TUSC3: variants seen among roughly 807,000 people sequenced by gnomAD.
TUSC3 encodes the protein tumor suppressor candidate 3.
A neutral mutation model predicts 44.8 loss-of-function variants in TUSC3; 45 were observed. The ratio of observed to expected loss-of-function variants is 1.00; its 90% CI spans 0.79 to 1.29. The LOEUF is 1.29. Ranked by LOEUF, TUSC3 falls within the 50% of genes most tolerant of loss-of-function variation. The pLI is 0.00. For missense variants in TUSC3, 519 were observed against 437.9 expected, an observed-to-expected ratio of 1.19 and a Z score of -1.65; for synonymous variants, 212 against 152.9, an observed-to-expected ratio of 1.39 and a Z score of -2.85.
In TUSC3 at chr8:15,737,335, C is replaced by T. The variant is rs373681138; in HGVS notation, c.863-6203C>T. On this transcript the variant is annotated intron_variant, in intron 7 of 10. Coordinates refer to ENST00000503731, the MANE Select transcript of TUSC3 (RefSeq NM_006765.4). ...TTCCATTCCTAGTAGCAACAGTAAACTTAGCATATGCAATTGAGAAGGGAT... is the reference window on the plus strand; with the variant it reads ...TTCCATTCCTAGTAGCAACAGTAAATTTAGCATATGCAATTGAGAAGGGAT... 1.7e-4 allele frequency among the ~76,000 whole-genome samples: 26 copies of T among 152,160 alleles called. No homozygotes were observed. In the East Asian group the frequency reaches 3.9e-3, roughly 23 times the overall value.
At chr8:15,428,361 G>T (rs878999049) in intron 1 of TUSC3, among the ~76,000 whole-genome samples, 1 of 151,702 alleles carries the variant, frequency 6.6e-6, no homozygotes, top group Non-Finnish European at 1.5e-5. Context: ...TCTTAATCCA[G>T]TCTATCATTG....
downstream of TUSC3, among the ~76,000 whole-genome samples, chr8:15,768,715 C>A (rs2129226931): frequency 6.6e-6 from 1 of 152,280 alleles, no homozygotes; most frequent in East Asian, 1.9e-4. Context: ...CCCAAATCCC[C>A]TTAAGCTGAT....
rs992616192 is a variant in TUSC3, at chr8:15,531,222, C to T, written n.189+47739C>T. ...CCAAGCTGCCTGCCTGGGCCTCTCC[C>T]AGGTGTACTTTCCTTTGCTTTCATT... On this transcript the variant is annotated intron_variant and non_coding_transcript_variant, in intron 2 of 5. Coordinates refer to the TUSC3 transcript ENST00000503191. Among the ~76,000 whole-genome samples the T allele has an allele frequency of 1.2e-4, 18 of 152,286 alleles. 1 individual carries two copies. In the Middle Eastern group the frequency reaches 0.017, roughly 144 times the overall value.
At chr8:15,463,058 C>A (rs1268010755) in intron 1 of TUSC3, among the ~76,000 whole-genome samples, 1 of 151,862 alleles carries the variant, frequency 6.6e-6, no homozygotes, top group African/African-American at 2.4e-5. Context: ...TTTCCTCTTC[C>A]TCTACCTTCT....
the TUSC3 span, among the ~76,000 whole-genome samples, chr8:15,824,443 T>A: frequency 7.8e-4 from 117 of 149,972 alleles, no homozygotes; most frequent in Non-Finnish European, 1.4e-3. Context: ...TCCAGCTTCA[T>A]CCATGTCCCC....
intron 1 of TUSC3, among the ~76,000 whole-genome samples, chr8:15,584,185 A>G (rs1803499619): frequency 6.6e-6 from 1 of 152,208 alleles, no homozygotes; most frequent in Non-Finnish European, 1.5e-5. Flanking sequence ...AAGTATTTTT[A>G]TGGTTAATTT....
chr8:15,598,013 CT>C (rs1039817014), intron 1 of TUSC3, among the ~76,000 whole-genome samples: 2 of 151,970 alleles, frequency 1.3e-5, no homozygotes, highest in African/African-American at 4.8e-5. Flanking sequence ...TTTCAAATTG[CT>C]TTTCACGTAA....
At chr8:15,542,073 A>C (rs1461676386) in intron 1 of TUSC3, among the ~76,000 whole-genome samples, 1 of 151,880 alleles carries the variant, frequency 6.6e-6, no homozygotes, top group East Asian at 1.9e-4. Context: ...CAGGTGCCCA[A>C]GGTGGTCAGG....
At chr8:15,527,515 C>G (rs980598929) in intron 2 of TUSC3, among the ~76,000 whole-genome samples, 5 of 152,088 alleles carry the variant, frequency 3.3e-5, no homozygotes, top group African/African-American at 9.7e-5. Flanking sequence ...CTGTGCCCGG[C>G]CTTGAATATT....
chr8:15,625,766 A>G (rs1224761244), intron 2 of TUSC3, among the ~76,000 whole-genome samples: 1 of 152,224 alleles, frequency 6.6e-6, no homozygotes. Flanking sequence ...TAAAATTTCT[A>G]AGAAGCATCT....
At chr8:15,840,778 C>G in the TUSC3 span, among the ~76,000 whole-genome samples, 1 of 152,132 alleles carries the variant, frequency 6.6e-6, no homozygotes, top group Non-Finnish European at 1.5e-5. Flanking sequence ...ATGGCTGTCT[C>G]TAAATTTATC....
At chr8:15,830,910 T>G in the TUSC3 span, among the ~76,000 whole-genome samples, 1 of 152,142 alleles carries the variant, frequency 6.6e-6, no homozygotes, top group Admixed American at 6.5e-5. Context: ...TTATAAAAAT[T>G]AAAACAATTA....
the TUSC3 span, among the ~76,000 whole-genome samples, chr8:15,833,313 G>C: frequency 1.1e-4 from 17 of 152,080 alleles, no homozygotes; most frequent in African/African-American, 3.9e-4. Flanking sequence ...ATTCCTCAAA[G>C]ACCTAAAGAC....
intron 2 of TUSC3, 119 bp downstream of exon 2, chr8:15,623,368 C>A: frequency 1.9e-6 from 2 of 1,044,720 alleles, no homozygotes; most frequent in Non-Finnish European, 2.6e-6. Flanking sequence ...TCAAATATAA[C>A]TGTGCATTTA....
chr8:15,428,964 C>G (rs1799838575), intron 1 of TUSC3, among the ~76,000 whole-genome samples: 1 of 152,118 alleles, frequency 6.6e-6, no homozygotes, highest in Non-Finnish European at 1.5e-5. Context: ...TGCAGAAGCT[C>G]TTTAGTTTAA....
At chr8:15,526,278 C>G (rs1217463249) in intron 2 of TUSC3, among the ~76,000 whole-genome samples, 1 of 152,094 alleles carries the variant, frequency 6.6e-6, no homozygotes, top group Non-Finnish European at 1.5e-5. Context: ...CGTGATCTGC[C>G]CGCCTCGGCC....
chr8:15,444,975 C>G (rs1800074022), intron 1 of TUSC3, among the ~76,000 whole-genome samples: 1 of 152,114 alleles, frequency 6.6e-6, no homozygotes, highest in Non-Finnish European at 1.5e-5. Context: ...GAAGGACAAG[C>G]TGGGAAACTC....
At chr8:15,574,651 G>A (rs1478607310) in intron 1 of TUSC3, among the ~76,000 whole-genome samples, 1 of 152,080 alleles carries the variant, frequency 6.6e-6, no homozygotes, top group African/African-American at 2.4e-5. Flanking sequence ...TACTTTTAGG[G>A]TTTTGACCCA....
At chr8:15,520,991 C>G (rs1382345999) in intron 2 of TUSC3, among the ~76,000 whole-genome samples, 1 of 152,186 alleles carries the variant, frequency 6.6e-6, no homozygotes, top group Admixed American at 6.5e-5. Flanking sequence ...AAGCTTGGGA[C>G]TGTACCACTC....
Sources: gnomAD v4.1 joint callset for allele counts (sites outside exome capture counted in the v4.1 genomes callset) on GRCh38, gnomAD v4.1.1 for gene constraint, MANE v1.5 for transcripts, NCBI Gene and HGNC (gene_info 2026-07-23, HGNC 2026-07-21) for gene names.